RORA: variants seen among roughly 807,000 people sequenced by gnomAD.
The protein encoded by RORA is RAR related orphan receptor A.
In RORA, 7 loss-of-function variants were observed where a neutral mutation model predicts 69.5. The observed-to-expected ratio is 0.10, with a 90% confidence interval of 0.06 to 0.19. RORA has a LOEUF of 0.19. RORA is among the 10% of genes least tolerant of loss of function. The pLI is 1.00. For synonymous variants in RORA, 261 were observed against 240.8 expected, an observed-to-expected ratio of 1.08 and a Z score of -0.78; for missense variants, 457 against 663.0, an observed-to-expected ratio of 0.69 and a Z score of 3.41.
intron 1 of RORA, among the ~76,000 whole-genome samples, chr15:60,934,494 G>GTTGTTGTTGT (rs879520926): frequency 1.9e-4 from 22 of 116,738 alleles, no homozygotes; most frequent in African/African-American, 5.3e-4. Context: ...TGTTGTTGTT[G>GTTGTTGTTGT]TTGTTTGTTT....
chr15:61,181,808 A>G (rs1165962356), intron 1 of RORA, among the ~76,000 whole-genome samples: 2 of 152,210 alleles, frequency 1.3e-5, no homozygotes, highest in African/African-American at 2.4e-5. Flanking sequence ...GCATACTCCA[A>G]AAGAAGAGAG....
At chr15:61,026,492 C>G (rs1241584383) in intron 1 of RORA, among the ~76,000 whole-genome samples, 1 of 152,186 alleles carries the variant, frequency 6.6e-6, no homozygotes, top group Non-Finnish European at 1.5e-5. Context: ...AAGTGACTCT[C>G]AAGAAAATCA....
intron 3 of RORA, among the ~76,000 whole-genome samples, chr15:60,516,217 ATATATTTATATATATATTTAT>A (rs2065943493): frequency 8.8e-5 from 1 of 11,306 alleles, no homozygotes; most frequent in African/African-American, 3.0e-4. Context: ...ATTTATATAT[ATATATTTATATATATATTTAT>A]ATATATATAT....
At chr15:60,882,657 A>G (rs1488462663) in intron 1 of RORA, among the ~76,000 whole-genome samples, 1 of 151,674 alleles carries the variant, frequency 6.6e-6, no homozygotes, top group African/African-American at 2.4e-5. Flanking sequence ...ACACACACAC[A>G]CACACACACA....
intron 2 of RORA, among the ~76,000 whole-genome samples, chr15:60,670,379 T>C (rs2070448310): frequency 6.6e-6 from 1 of 152,038 alleles, no homozygotes. Context: ...TCAGCTACTT[T>C]TTGTATTTTT....
rs1201586429 is a variant in RORA at position 60,497,628 on chromosome 15, G to GA, written c.1408-10dup. On this transcript the variant is annotated splice_polypyrimidine_tract_variant and intron_variant, in intron 10 of 10. Transcript: ENST00000335670. ...GACACCTTGCATATTAACTGTAAGT[G>GA]AAAGAAAGGACACACCGTCAGGCAA... 1 of 1,606,682 alleles carries GA rather than the reference G, an allele frequency of 6.2e-7. No homozygotes were observed. Among genetic ancestry groups the GA allele is most frequent in the East Asian group, 2.2e-5 (1 of 44,840 alleles).
At chr15:60,696,841 C>G (rs1380815545) in intron 1 of RORA, among the ~76,000 whole-genome samples, 1 of 151,984 alleles carries the variant, frequency 6.6e-6, no homozygotes, top group African/African-American at 2.4e-5. Flanking sequence ...TGAGGTGAGG[C>G]CAGAGCAAAG....
At chr15:60,614,387 A>G (rs985388901) in intron 2 of RORA, among the ~76,000 whole-genome samples, 1 of 152,200 alleles carries the variant, frequency 6.6e-6, no homozygotes, top group African/African-American at 2.4e-5. Context: ...AAATAAAAAA[A>G]TTGGAGCAGC....
chr15:60,821,984 A>C (rs1175642762), intron 1 of RORA, among the ~76,000 whole-genome samples: 5 of 151,456 alleles, frequency 3.3e-5, no homozygotes, highest in African/African-American at 1.2e-4. Context: ...AATCTGAATA[A>C]AGCAATGAGT....
At position 61,141,203 on chromosome 15, in the gene RORA, C is replaced by T. The variant is rs9788705; in HGVS notation, c.166+87850G>A. 1.5e-3 allele frequency among the ~76,000 whole-genome samples: 221 copies of T among 152,300 alleles called. No homozygotes were observed. The East Asian group carries it at 0.016, about 11-fold the overall frequency. ...ATACAAAGAGGTGCAATATTGACTT[C>T]TGGGGTTAATGCAATATCCCATAGA... On this transcript the variant is annotated intron_variant, in intron 1 of 10. Transcript: ENST00000335670.
chr15:61,173,128 T>C lies in RORA; in HGVS notation c.166+55925A>G, dbSNP rs1386305327. Among the ~76,000 whole-genome samples the C allele has an allele frequency of 2.0e-5, 3 of 152,362 alleles. No individual in the cohort carries two copies. The East Asian group carries it at 5.8e-4, about 29-fold the overall frequency. On this transcript the variant is annotated intron_variant, in intron 1 of 10. Coordinates refer to ENST00000335670, the MANE Select transcript of RORA (RefSeq NM_134261.3). ...TGAACATTTTCTTTCTACTAGGCAC[T>C]GTACGAGGATCCTCTCATGTAATCC...
rs1011020071 is a variant in RORA at position 60,905,746 on chromosome 15, G to A, written c.167-227060C>T. 6.6e-6 allele frequency among the ~76,000 whole-genome samples: 1 copy of A among 152,186 alleles called. No homozygotes were observed. Among genetic ancestry groups the A allele is most frequent in the Admixed American group, 6.5e-5 (1 of 15,282 alleles). ...GAGATCCAAGCAAGTAGGGTCACCTGTGCTGAGCAGGTTAGAGCCGGCCTG... is the reference window on the plus strand; with the variant it reads ...GAGATCCAAGCAAGTAGGGTCACCTATGCTGAGCAGGTTAGAGCCGGCCTG... On this transcript the variant is annotated intron_variant, in intron 1 of 10. Transcript: ENST00000335670. This position sits in a 1 kb window ranked among gnomAD's most constrained non-coding sequence, Gnocchi z 4.8.
rs189220315 is a variant in RORA, at chr15:61,187,753, A to T, written c.166+41300T>A. 2.0e-5 allele frequency among the ~76,000 whole-genome samples: 3 copies of T among 152,342 alleles called. No individual in the cohort carries two copies. The East Asian group carries it at 5.8e-4, about 29-fold the overall frequency. Reference sequence around the variant, plus strand: ...ATAAAAGGGAAAGAAAAAGTTGACAAGCCCGCACTGTTGGCAAGAGCTGCT... The same window carrying T: ...ATAAAAGGGAAAGAAAAAGTTGACATGCCCGCACTGTTGGCAAGAGCTGCT... On this transcript the variant is annotated intron_variant, in intron 1 of 10. Transcript: ENST00000335670.
intron 1 of RORA, among the ~76,000 whole-genome samples, chr15:60,742,898 G>A (rs561371709): frequency 6.6e-6 from 1 of 152,128 alleles, no homozygotes; most frequent in South Asian, 2.1e-4. Flanking sequence ...TTATTTGATG[G>A]ACACTTAGGT....
At chr15:60,820,375 G>C (rs1458836780) in intron 1 of RORA, among the ~76,000 whole-genome samples, 2 of 152,158 alleles carry the variant, frequency 1.3e-5, no homozygotes, top group Admixed American at 6.5e-5. Context: ...TGAAAGGAAG[G>C]AAGAGACAGG....
chr15:60,565,542 A>G (rs1481570299), intron 2 of RORA, among the ~76,000 whole-genome samples: 3 of 152,238 alleles, frequency 2.0e-5, no homozygotes. Flanking sequence ...TGTCTCATTC[A>G]TAATGGATTT....
intron 1 of RORA, among the ~76,000 whole-genome samples, chr15:61,220,776 G>A (rs1380016169): frequency 6.6e-6 from 1 of 152,168 alleles, no homozygotes; most frequent in Non-Finnish European, 1.5e-5. Flanking sequence ...ACTTCTCAAA[G>A]TGTCAACTTT....
intron 1 of RORA, among the ~76,000 whole-genome samples, chr15:60,804,236 C>T (rs567062554): frequency 1.4e-5 from 2 of 144,854 alleles, no homozygotes; most frequent in Admixed American, 7.1e-5. Context: ...TGCAGTTAGC[C>T]GAGATCACAC....
chr15:60,802,537 G>A (rs1322014741), intron 1 of RORA, among the ~76,000 whole-genome samples: 2 of 152,100 alleles, frequency 1.3e-5, no homozygotes, highest in Non-Finnish European at 2.9e-5. Flanking sequence ...TCCATGTTCC[G>A]AAGGAAGAAC....
Sources: allele counts gnomAD v4.1 joint callset (sites outside exome capture counted in the v4.1 genomes callset), GRCh38; gene constraint gnomAD v4.1.1; non-coding constraint Gnocchi (gnomAD v3.1); transcripts MANE v1.5; gene names NCBI Gene and HGNC (gene_info 2026-07-23, HGNC 2026-07-21).